Variants in NOL10 observed in about 807,000 individuals in gnomAD.
The protein encoded by NOL10 is nucleolar protein 10.
In NOL10, 58 loss-of-function variants were observed where a neutral mutation model predicts 103.5. The ratio of observed to expected loss-of-function variants is 0.56; its 90% CI spans 0.45 to 0.70. The LOEUF is 0.70. Ranked by LOEUF, NOL10 falls within the 30% of genes least tolerant of loss-of-function variation. The probability of loss-of-function intolerance (pLI) is 0.00; values close to 1 mark genes in which losing one functional copy is unlikely to be tolerated. For missense variants in NOL10, 763 were observed against 807.3 expected, an observed-to-expected ratio of 0.95 and a Z score of 0.67; for synonymous variants, 287 against 282.5, an observed-to-expected ratio of 1.02 and a Z score of -0.16.
At chr2:10,599,459 T>C (rs866265517) in intron 17 of NOL10, among the ~76,000 whole-genome samples, 21 of 152,226 alleles carry the variant, frequency 1.4e-4, no homozygotes, top group African/African-American at 5.1e-4. Context: ...AAGACTTGTA[T>C]TCTAAACACT....
intron 1 of NOL10, 112 bp downstream of exon 1, chr2:10,689,684 G>T: frequency 2.8e-6 from 3 of 1,086,856 alleles, no homozygotes; most frequent in Non-Finnish European, 4.0e-6. Context: ...CGAGTCGGGG[G>T]GTGACCAGCG....
intron 16 of NOL10, 118 bp from the exon 17 acceptor site, chr2:10,601,060 CTTATTT>C (rs1675949332): frequency 1.6e-6 from 1 of 618,340 alleles, no homozygotes; most frequent in Non-Finnish European, 2.7e-6. Flanking sequence ...ATAACTAATT[CTTATTT>C]TATTATTTTT....
chr2:10,596,256 T>G (rs58633964), intron 17 of NOL10, among the ~76,000 whole-genome samples: 4,549 of 18,548 alleles, frequency 0.25, 447 homozygotes, highest in African/African-American at 0.46. Context: ...CAGATGGTGG[T>G]GGGGGGCGGG....
intron 17 of NOL10, among the ~76,000 whole-genome samples, chr2:10,596,253 T>TGGGGG (rs1469968902): frequency 1.1e-4 from 2 of 17,836 alleles, no homozygotes; most frequent in East Asian, 2.9e-3. Context: ...CCACAGATGG[T>TGGGGG]GGTGGGGGGC....
intron 13 of NOL10, among the ~76,000 whole-genome samples, chr2:10,637,762 T>C (rs1678363057): frequency 6.6e-6 from 1 of 152,224 alleles, no homozygotes; most frequent in African/African-American, 2.4e-5. Flanking sequence ...TGTGGGTTTA[T>C]GAACTGCTGG....
rs1680944642 is a variant in NOL10 at position 10,671,596 on chromosome 2, G to T, written c.422C>A (p.Ser141Tyr). Residue 141 changes from serine to tyrosine, a missense_variant, in exon 6 of 21, where the codon TCT becomes TAT. Ser to Tyr is a moderately radical substitution (Grantham distance 144). Coordinates refer to ENST00000381685, the MANE Select transcript of NOL10 (RefSeq NM_024894.4). ...TRIPKFGRDF[S>Y]YHYPSCDLYF... is the part of the protein sequence containing the mutation. ...CAAGTCACAGGATGGATAGTGGTAAGAGAAATCTCTCCCAAACTTTGGTAT... is the reference window on the plus strand; with the variant it reads ...CAAGTCACAGGATGGATAGTGGTAATAGAAATCTCTCCCAAACTTTGGTAT... 1 of 1,604,274 alleles carries T rather than the reference G, an allele frequency of 6.2e-7. No individual in the cohort carries two copies.
intron 13 of NOL10, among the ~76,000 whole-genome samples, chr2:10,622,726 A>AT (rs372472161): frequency 3.2e-4 from 48 of 151,464 alleles, no homozygotes; most frequent in African/African-American, 9.7e-4. Context: ...AATAAAGATG[A>AT]TTTTTTTTTC....
At chr2:10,596,616 T>TA (rs988105337) in intron 17 of NOL10, among the ~76,000 whole-genome samples, 1 of 152,112 alleles carries the variant, frequency 6.6e-6, no homozygotes, top group African/African-American at 2.4e-5. Context: ...GGAGTGGCTG[T>TA]AAATACAGAT....
chr2:10,598,693 A>C (rs976427500), intron 17 of NOL10, among the ~76,000 whole-genome samples: 1 of 152,220 alleles, frequency 6.6e-6, no homozygotes, highest in Non-Finnish European at 1.5e-5. Context: ...CAAACTTAGA[A>C]AGTGAGTATG....
chr2:10,578,997 GAA>G (rs1438861400), intron 19 of NOL10, among the ~76,000 whole-genome samples: 1 of 152,198 alleles, frequency 6.6e-6, no homozygotes, highest in Non-Finnish European at 1.5e-5. Context: ...TGAACTGTGT[GAA>G]AGAGTCTTTT....
chr2:10,652,109 G>A (rs1431875936), intron 12 of NOL10, among the ~76,000 whole-genome samples: 7 of 151,842 alleles, frequency 4.6e-5, no homozygotes, highest in South Asian at 4.2e-4. Context: ...GCGTGGTGGC[G>A]GGCACCTGTA....
intron 12 of NOL10, among the ~76,000 whole-genome samples, chr2:10,644,673 C>T (rs1219390026): frequency 6.6e-6 from 1 of 152,196 alleles, no homozygotes; most frequent in Admixed American, 6.5e-5. Flanking sequence ...TCTAACAGCC[C>T]TGACTACAGC....
At chr2:10,576,996 T>A (rs955972734) in intron 20 of NOL10, among the ~76,000 whole-genome samples, 84 of 151,496 alleles carry the variant, frequency 5.5e-4, no homozygotes, top group African/African-American at 1.8e-3. Flanking sequence ...GAGAAAAAAA[T>A]TTTTTGAGAA....
chr2:10,620,793 TTTG>T (rs978524339), intron 13 of NOL10, among the ~76,000 whole-genome samples: 17 of 152,198 alleles, frequency 1.1e-4, no homozygotes, highest in Admixed American at 7.2e-4. Flanking sequence ...ACTGTTGATT[TTTG>T]TTGTTGTTGT....
intron 3 of NOL10, among the ~76,000 whole-genome samples, chr2:10,679,168 T>C (rs1681542766): frequency 6.6e-6 from 1 of 152,034 alleles, no homozygotes; most frequent in Non-Finnish European, 1.5e-5. Flanking sequence ...AAGACCAGCC[T>C]GACCAACATG....
At chr2:10,653,262 A>AT (rs1679604102) in intron 12 of NOL10, among the ~76,000 whole-genome samples, 1 of 151,974 alleles carries the variant, frequency 6.6e-6, no homozygotes. Context: ...TACACCTAGT[A>AT]TAAGGTCAAG....
chr2:10,609,952 T>C (rs897958999), intron 13 of NOL10, among the ~76,000 whole-genome samples: 1 of 152,182 alleles, frequency 6.6e-6, no homozygotes, highest in Admixed American at 6.5e-5. Flanking sequence ...GATAAATAAA[T>C]CTATTCATGT....
At chr2:10,581,024 A>G (rs1572227752) in intron 19 of NOL10, among the ~76,000 whole-genome samples, 1 of 152,346 alleles carries the variant, frequency 6.6e-6, no homozygotes, top group East Asian at 1.9e-4. Flanking sequence ...TACCTTTGAC[A>G]AATATTTACA....
At chr2:10,603,680 G>A (rs558728644) in intron 14 of NOL10, among the ~76,000 whole-genome samples, 77 of 152,268 alleles carry the variant, frequency 5.1e-4, no homozygotes, top group Admixed American at 1.3e-3. Context: ...TATCACATAT[G>A]CACTCCTCAT....
Sources: gnomAD v4.1 joint callset for allele counts (sites outside exome capture counted in the v4.1 genomes callset) on GRCh38, gnomAD v4.1.1 for gene constraint, MANE v1.5 for transcripts, NCBI Gene and HGNC (gene_info 2026-07-23, HGNC 2026-07-21) for gene names.